Variants in FBN1 observed in about 807,000 individuals in gnomAD.
The protein encoded by FBN1 is fibrillin 1.
Under a neutral mutation model 365.1 loss-of-function variants are expected in FBN1, and 29 were observed. The observed-to-expected ratio is 0.08, with a 90% confidence interval of 0.06 to 0.11. The LOEUF is 0.11. Ranked by LOEUF, FBN1 falls within the 10% of genes least tolerant of loss-of-function variation. FBN1 has a pLI of 1.00. For synonymous variants in FBN1, 1,210 were observed against 1,270.5 expected (o/e 0.95, Z 1.01); for missense variants, 2,476 against 3,703.2 (o/e 0.67, Z 8.60).
intron 2 of FBN1, among the ~76,000 whole-genome samples, chr15:48,626,539 C>A (rs1478276346): frequency 6.6e-6 from 1 of 152,038 alleles, no homozygotes; most frequent in Non-Finnish European, 1.5e-5. Context: ...ATCTAGCCCT[C>A]CCATCAAAAC....
At chr15:48,422,289 A>T (rs1255299553) in intron 60 of FBN1, among the ~76,000 whole-genome samples, 1 of 152,214 alleles carries the variant, frequency 6.6e-6, no homozygotes, top group Non-Finnish European at 1.5e-5. Flanking sequence ...ATATAAAGAG[A>T]TCTTTAGGGG....
Position 48,408,665 on chromosome 15 carries a change from G to A in FBN1, c.*2325C>T, listed in dbSNP as rs550343613. 5 of 152,614 alleles carry A rather than the reference G, an allele frequency of 3.3e-5. No individual in the cohort carries two copies. In the South Asian group the frequency reaches 8.3e-4, roughly 25 times the overall value. The allele number at this position is 152,614 out of a possible 1,614,324, so 9.5% of individuals were successfully genotyped here. A position where few individuals can be genotyped will look rare whatever the true frequency, so the allele number is the denominator to read the frequency against. ...GGTTTAAATCTCAGGATTAAAAAGA[G>A]TTCCAACAAGAGGAATATTTACAAT... On this transcript the variant is annotated 3_prime_UTR_variant, in exon 66 of 66. Transcript: ENST00000316623.
chr15:48,566,095 C>A (rs1363117459), intron 6 of FBN1, among the ~76,000 whole-genome samples: 21 of 152,136 alleles, frequency 1.4e-4, no homozygotes, highest in Non-Finnish European at 4.4e-5. Flanking sequence ...CCAAATGCCT[C>A]CACCCTTCAT....
chr15:48,598,445 C>A (rs931026065), intron 5 of FBN1, among the ~76,000 whole-genome samples: 1 of 152,240 alleles, frequency 6.6e-6, no homozygotes, highest in Non-Finnish European at 1.5e-5. Context: ...TCTCACTCTT[C>A]TTTCCTAGCC....
chr15:48,497,827 C>T (rs1251556922), intron 18 of FBN1, among the ~76,000 whole-genome samples: 1 of 152,220 alleles, frequency 6.6e-6, no homozygotes, highest in Admixed American at 6.5e-5. Flanking sequence ...TTATATCGTT[C>T]TCATGGTTCA....
At chr15:48,499,640 T>C (rs1245353674) in intron 17 of FBN1, among the ~76,000 whole-genome samples, 4 of 152,188 alleles carry the variant, frequency 2.6e-5, no homozygotes, top group Non-Finnish European at 4.4e-5. Flanking sequence ...TGAGATCATA[T>C]TGAAAAAACT....
In FBN1 at chr15:48,411,173, C is replaced by G; in HGVS notation, c.8433G>C (p.Gly2811=). The part of the protein sequence containing the change: ...DGFFKINQKE[G]ISYLHFTKKK... ...TCTTTGTGAAGTGGAGGTAGCTGATCCCTTCCTTTTGGTTGATTTTAAAGA... is the reference window on the plus strand; with the variant it reads ...TCTTTGTGAAGTGGAGGTAGCTGATGCCTTCCTTTTGGTTGATTTTAAAGA... The change falls in exon 66 of 66, where the codon GGG becomes GGC. Residue 2811 remains glycine (G), a synonymous_variant. Coordinates refer to ENST00000316623, the MANE Select transcript of FBN1 (RefSeq NM_000138.5). 6.2e-7 allele frequency: 1 copy of G among 1,614,082 alleles called. No homozygotes were observed. Among genetic ancestry groups the G allele is most frequent in the Non-Finnish European group, 8.5e-7 (1 of 1,180,002 alleles).
intron 9 of FBN1, among the ~76,000 whole-genome samples, chr15:48,524,542 T>C (rs891075369): frequency 2.6e-5 from 4 of 152,208 alleles, no homozygotes; most frequent in African/African-American, 9.7e-5. Flanking sequence ...TCATTTTGTA[T>C]GACAAGTGTC....
intron 6 of FBN1, among the ~76,000 whole-genome samples, chr15:48,591,474 T>A (rs1339222336): frequency 6.6e-6 from 1 of 152,220 alleles, no homozygotes; most frequent in Non-Finnish European, 1.5e-5. Context: ...CTTCCAGGCA[T>A]GTTAGTTCAG....
At chr15:48,571,634 T>A (rs1167201397) in intron 6 of FBN1, among the ~76,000 whole-genome samples, 2 of 152,166 alleles carry the variant, frequency 1.3e-5, no homozygotes, top group Non-Finnish European at 2.9e-5. Flanking sequence ...TTCTTTTTTA[T>A]TATTTAAAAA....
At chr15:48,472,915 T>G (rs2043389813) in intron 34 of FBN1, among the ~76,000 whole-genome samples, 1 of 152,208 alleles carries the variant, frequency 6.6e-6, no homozygotes, top group African/African-American at 2.4e-5. Context: ...GAAGGAATCA[T>G]GCAAACTAAG....
intron 65 of FBN1, 150 bp downstream of exon 65, chr15:48,412,419 T>A: frequency 1.2e-6 from 1 of 846,386 alleles, no homozygotes; most frequent in Admixed American, 1.9e-5. Context: ...CCACAGCCTC[T>A]TGTAAAATAC....
chr15:48,427,176 A>G (rs2042984669), intron 58 of FBN1, among the ~76,000 whole-genome samples: 1 of 152,188 alleles, frequency 6.6e-6, no homozygotes, highest in African/African-American at 2.4e-5. Flanking sequence ...TACTTCTTTT[A>G]TGCAATACAG....
In FBN1 at chr15:48,463,954, G is replaced by A; in HGVS notation, c.5010C>T (p.Tyr1670=). ...TGTAGTCTGGAGGACAGATACAGGT[G>A]TAGTTGCCAACGGTGTTGTAACATG... ...PGTCYNTVGN[Y]TCICPPDYMQ... Residue 1670 remains tyrosine, a synonymous_variant, in exon 41 of 66, where the codon TAC becomes TAT. Coordinates refer to ENST00000316623, the MANE Select transcript of FBN1 (RefSeq NM_000138.5). 1 of 1,613,682 alleles carries A rather than the reference G, an allele frequency of 6.2e-7. No individual in the cohort carries two copies. Among genetic ancestry groups the A allele is most frequent in the Non-Finnish European group, 8.5e-7 (1 of 1,179,606 alleles).
Position 48,561,274 on chromosome 15 carries a change from C to T in FBN1, c.539-23466G>A, listed in dbSNP as rs866229192. The stretch of plus-strand genomic sequence containing the variant: ...TTCATTACCTTCTGCTACAGGGACA[C>T]CTAGATTCTAGAGTATGTGTTTTTG... On this transcript the variant is annotated intron_variant, in intron 6 of 65. Transcript: ENST00000316623. Among the ~76,000 whole-genome samples the T allele has an allele frequency of 3.3e-5, 5 of 152,266 alleles. No homozygotes were observed. The Middle Eastern group carries it at 0.014, about 414-fold the overall frequency.
intron 16 of FBN1, 98 bp from the exon 17 acceptor site, chr15:48,504,037 T>C: frequency 7.0e-7 from 1 of 1,431,646 alleles, no homozygotes; most frequent in South Asian, 1.2e-5. Context: ...CCATCATCCC[T>C]GGTGTAACTC....
rs2043208006 is a variant in FBN1, at chr15:48,452,399, A to C, written c.5545+163T>G. Among the ~76,000 whole-genome samples, 5 of 152,260 alleles carry C rather than the reference A, an allele frequency of 3.3e-5. No homozygotes were observed. In the South Asian group the frequency reaches 1.0e-3, roughly 32 times the overall value. ...AAAAGCTAAGTGTTTAGATATTTTG[A>C]CAATATCCCTTTTTCCAATTTAGTT... On this transcript the variant is annotated intron_variant, in intron 45 of 65. Transcript: ENST00000316623.
chr15:48,623,968 A>ACACAC, intron 2 of FBN1, among the ~76,000 whole-genome samples: 1 of 146,494 alleles, frequency 6.8e-6, no homozygotes, highest in Admixed American at 6.8e-5. Context: ...CAAAGACACA[A>ACACAC]ACACACACAC....
intron 42 of FBN1, among the ~76,000 whole-genome samples, chr15:48,462,043 G>T (rs1423074727): frequency 6.6e-6 from 1 of 152,086 alleles, no homozygotes; most frequent in Non-Finnish European, 1.5e-5. Flanking sequence ...CTAAGTGGTG[G>T]TTATTATATT....
Sources: allele counts gnomAD v4.1 joint callset (sites outside exome capture counted in the v4.1 genomes callset), GRCh38; gene constraint gnomAD v4.1.1; transcripts MANE v1.5; gene names NCBI Gene and HGNC (gene_info 2026-07-23, HGNC 2026-07-21).